SLC3A2: variants seen among roughly 807,000 people sequenced by gnomAD.
The protein encoded by SLC3A2 is amino acid transporter heavy chain SLC3A2.
A neutral mutation model predicts 48.5 loss-of-function variants in SLC3A2; 32 were observed. That is an observed-to-expected ratio of 0.66 (90% CI 0.50 to 0.89). The LOEUF is 0.89. Among genes scored for constraint, SLC3A2 ranks in the 40% least tolerant of loss-of-function variants. The pLI is 0.00. For missense variants in SLC3A2, 587 were observed against 680.7 expected (o/e 0.86, Z 1.53); for synonymous variants, 277 against 288.8 (o/e 0.96, Z 0.41).
intron 1 of SLC3A2, among the ~76,000 whole-genome samples, chr11:62,864,148 A>G (rs902160550): frequency 1.3e-5 from 2 of 152,180 alleles, no homozygotes; most frequent in Non-Finnish European, 2.9e-5. Flanking sequence ...GTCCCTCCCC[A>G]GGATGTGATA....
intron 1 of SLC3A2, among the ~76,000 whole-genome samples, chr11:62,862,779 TAGAG>T (rs1387257200): frequency 6.6e-6 from 1 of 152,188 alleles, no homozygotes; most frequent in Non-Finnish European, 1.5e-5. Flanking sequence ...ATTTTGCTCT[TAGAG>T]AGGTCTGGAG....
chr11:62,863,528 G>C (rs1187614903), intron 1 of SLC3A2, among the ~76,000 whole-genome samples: 2 of 152,228 alleles, frequency 1.3e-5, no homozygotes, highest in Non-Finnish European at 2.9e-5. Flanking sequence ...TTCCTGGGTT[G>C]TGGAGGAGTG....
upstream of SLC3A2, chr11:62,880,434 G>A (rs920691427): frequency 6.6e-6 from 1 of 152,484 alleles, no homozygotes; most frequent in African/African-American, 2.4e-5. Flanking sequence ...AAGCCTTGGT[G>A]GGGGAAAAGG....
intron 1 of SLC3A2, among the ~76,000 whole-genome samples, chr11:62,858,197 A>G (rs2085359342): frequency 6.6e-6 from 1 of 152,170 alleles, no homozygotes; most frequent in African/African-American, 2.4e-5. Flanking sequence ...GAAGTGGAAA[A>G]GAGGGGATTT....
intron 1 of SLC3A2, chr11:62,871,443 T>C (rs1371583587): frequency 8.8e-6 from 3 of 339,390 alleles, no homozygotes; most frequent in South Asian, 8.4e-5. Flanking sequence ...TTTTGCCTCA[T>C]TGGCCAGCCT....
In SLC3A2 at chr11:62,856,310, C is replaced by A. The variant is rs774823818; in HGVS notation, c.41C>A (p.Ser14Ter). The A allele has an allele frequency of 1.2e-6, 2 of 1,613,476 alleles. No homozygotes were observed. Among genetic ancestry groups the A allele is most frequent in the African/African-American group, 2.7e-5 (2 of 74,932 alleles). The change falls in exon 1 of 10, where the codon TCG becomes TAG. Residue 14 changes from serine to a stop codon, truncating the protein, a stop_gained. Transcript: ENST00000377889. LOFTEE classifies it high-confidence loss of function. ...CCTGAAGCCTCGATCGCCGTCGTGT[C>A]GATTCCGCGCCAGTTGCCTGGCTCA...
upstream of SLC3A2, chr11:62,880,725 C>T (rs917308799): frequency 2.7e-6 from 1 of 373,938 alleles, no homozygotes; most frequent in Non-Finnish European, 4.8e-6. Flanking sequence ...TAGGGTTAGA[C>T]AGGTTGGAGA....
At chr11:62,883,032 A>G in intron 3 of SLC3A2, 33 bp downstream of exon 3, 2 of 1,592,418 alleles carry the variant, frequency 1.3e-6, no homozygotes, top group Non-Finnish European at 1.7e-6. Flanking sequence ...GGTGGAAGTC[A>G]GATGCTGGGG....
chr11:62,871,763 C>T (rs1022547463), intron 1 of SLC3A2: 15 of 422,564 alleles, frequency 3.5e-5, no homozygotes, highest in Non-Finnish European at 5.4e-5. Flanking sequence ...CTTTACTATT[C>T]TCTGCCCTTT....
At chr11:62,857,144 C>T (rs1444069968) in intron 1 of SLC3A2, among the ~76,000 whole-genome samples, 1 of 150,004 alleles carries the variant, frequency 6.7e-6, no homozygotes, top group Admixed American at 6.6e-5. Flanking sequence ...TCTTTCAAGA[C>T]GGAGGCTTGC....
At chr11:62,863,469 G>T (rs984966211) in intron 1 of SLC3A2, among the ~76,000 whole-genome samples, 3 of 152,118 alleles carry the variant, frequency 2.0e-5, no homozygotes, top group African/African-American at 7.2e-5. Context: ...CGACCAAATT[G>T]CTGGGAAACA....
chr11:62,880,780 T>C (rs1341798855), upstream of SLC3A2: 6 of 638,040 alleles, frequency 9.4e-6, no homozygotes, highest in African/African-American at 1.8e-5. Context: ...GGCGTGTTCC[T>C]GACTTTACTA....
At position 62,885,340 on chromosome 11, in the gene SLC3A2, C is replaced by T. The variant is rs903912892; in HGVS notation, c.982C>T (p.Arg328Cys). The part of the protein sequence containing the change: ...VTQYLNATGN[R>C]WCSWSLSQAR... Reference sequence around the variant, plus strand: ...ACAGTATTTGAATGCCACTGGCAATCGCTGGTGCAGCTGGAGTGTGAGTAC... The same window carrying T: ...ACAGTATTTGAATGCCACTGGCAATTGCTGGTGCAGCTGGAGTGTGAGTAC... The change falls in exon 6 of 9, where the codon CGC (arginine) becomes TGC (cysteine). Residue 328 changes from arginine to cysteine, a missense_variant. This residue lies in a region of SLC3A2 where 409 missense variants were observed against 446.7 expected (regional missense o/e 0.92). Coordinates refer to ENST00000338663, the MANE Select transcript of SLC3A2 (RefSeq NM_001013251.3). 3.7e-6 allele frequency: 6 copies of T among 1,614,048 alleles called. No individual in the cohort carries two copies. Among genetic ancestry groups the T allele is most frequent in the South Asian group, 1.1e-5 (1 of 91,080 alleles).
At chr11:62,874,433 G>T (rs2085549917) in intron 1 of SLC3A2, among the ~76,000 whole-genome samples, 2 of 152,160 alleles carry the variant, frequency 1.3e-5, no homozygotes, top group South Asian at 4.1e-4. Context: ...TTTTTCATTT[G>T]TCTAACTTAC....
chr11:62,882,162 C>T, intron 2 of SLC3A2, 96 bp downstream of exon 2: 1 of 1,428,980 alleles, frequency 7.0e-7, no homozygotes. Context: ...CTAACTGGCT[C>T]TGAGTTTTCC....
At chr11:62,856,160 C>G in exon 1 of SLC3A2, 1 of 815,762 alleles carries the variant, frequency 1.2e-6, no homozygotes, top group African/African-American at 1.7e-5. Flanking sequence ...GCGGTGAGAT[C>G]ACTGCCTCAC....
chr11:62,880,803 C>T, upstream of SLC3A2: 1 of 951,324 alleles, frequency 1.1e-6, no homozygotes, highest in Non-Finnish European at 1.5e-6. Flanking sequence ...CTGAGCCGCC[C>T]ACGGCTGGGG....
At chr11:62,883,685 G>A (rs1161900943) in intron 3 of SLC3A2, 1 of 262,894 alleles carries the variant, frequency 3.8e-6, no homozygotes, top group African/African-American at 2.2e-5. Context: ...ATCCAGTTTA[G>A]GCCTTGCCAG....
Position 62,888,583 on chromosome 11 carries a change from C to T in SLC3A2, c.1480C>T (p.Leu494Phe). The T allele has an allele frequency of 6.2e-7, 1 of 1,613,698 alleles. No homozygotes were observed. Among genetic ancestry groups the T allele is most frequent in the Non-Finnish European group, 8.5e-7 (1 of 1,180,026 alleles). ...ASASLPAKAD[L>F]LLSTQPGREE... ...CGCCAGCCTGCCAGCCAAGGCTGAC[C>T]TCCTGCTCAGCACCCAGCCAGGCCG... Residue 494 changes from leucine to phenylalanine, a missense_variant, in exon 9 of 9, where the codon CTC (leucine) becomes TTC (phenylalanine). Physicochemically the swap from Leu to Phe is conservative, Grantham distance 22. Around this residue, in one of 3 missense-constraint regions of SLC3A2, gnomAD observed 169 missense variants for 204.4 expected, o/e 0.83. Transcript: ENST00000338663.
Sources: allele counts gnomAD v4.1 joint callset (sites outside exome capture counted in the v4.1 genomes callset), GRCh38; gene constraint gnomAD v4.1.1; regional missense constraint gnomAD v4.1.1; transcripts MANE v1.5; gene names NCBI Gene and HGNC (gene_info 2026-07-23, HGNC 2026-07-21).